N4BP2L2: variants seen among roughly 807,000 people sequenced by gnomAD.
The protein encoded by N4BP2L2 is NEDD4 binding protein 2 like 2, also known as NEDD4-binding protein 2-like 2.
A neutral mutation model predicts 56.2 loss-of-function variants in N4BP2L2; 50 were observed. The ratio of observed to expected loss-of-function variants is 0.89; its 90% confidence interval spans 0.71 to 1.13. The LOEUF (loss-of-function observed/expected upper bound fraction) is 1.13. N4BP2L2 is among the 50% of genes most tolerant of loss of function. The probability of loss-of-function intolerance (pLI) is 0.00; values close to 1 mark genes in which losing one functional copy is unlikely to be tolerated. For synonymous variants in N4BP2L2, 203 were observed against 223.6 expected, an observed-to-expected ratio of 0.91 and a Z score of 0.82; for missense variants, 689 against 693.8, an observed-to-expected ratio of 0.99 and a Z score of 0.08.
intron 6 of N4BP2L2, among the ~76,000 whole-genome samples, chr13:32,479,560 T>C (rs1244314680): frequency 1.3e-5 from 2 of 151,478 alleles, no homozygotes; most frequent in African/African-American, 2.4e-5. Flanking sequence ...GGATTATAGG[T>C]GTGAGCCACT....
At chr13:32,527,279 G>A (rs2053294290) in intron 3 of N4BP2L2, 129 bp downstream of exon 3, 1 of 901,006 alleles carries the variant, frequency 1.1e-6, no homozygotes, top group Non-Finnish European at 1.6e-6. Flanking sequence ...GGAGAAATTA[G>A]GTCTCAAAGC....
chr13:32,527,355 C>T (rs2053325190), intron 3 of N4BP2L2, 53 bp downstream of exon 3: 1 of 1,586,596 alleles, frequency 6.3e-7, no homozygotes, highest in Non-Finnish European at 8.6e-7. Flanking sequence ...AAATCTAGGT[C>T]TTTTGACTCC....
chr13:32,507,477 C>T (rs1197211668), downstream of N4BP2L2: 1 of 152,086 alleles, frequency 6.6e-6, no homozygotes, highest in African/African-American at 2.4e-5. Flanking sequence ...ATAAACATGT[C>T]CTCATTTATC....
intron 2 of N4BP2L2, among the ~76,000 whole-genome samples, chr13:32,534,741 T>C (rs2056068489): frequency 6.6e-6 from 1 of 152,342 alleles, no homozygotes; most frequent in South Asian, 2.1e-4. Flanking sequence ...GTTAGTAATA[T>C]AAAACATTTG....
chr13:32,511,796 C>G (rs1045498546), exon 6 of N4BP2L2: 3 of 151,358 alleles, frequency 2.0e-5, no homozygotes, highest in Non-Finnish European at 2.9e-5. Context: ...AAAGAAAACA[C>G]GTACACAAGA....
chr13:32,538,444 C>T (rs563043411), intron 1 of N4BP2L2, among the ~76,000 whole-genome samples, 174 bp downstream of exon 1: 1 of 152,248 alleles, frequency 6.6e-6, no homozygotes, highest in South Asian at 2.1e-4. Context: ...GCTTTTTTGT[C>T]CCAGTGCAGA....
intron 6 of N4BP2L2, among the ~76,000 whole-genome samples, chr13:32,469,703 T>C (rs1198716489): frequency 6.6e-6 from 1 of 152,180 alleles, no homozygotes; most frequent in Non-Finnish European, 1.5e-5. Context: ...GCCTCCAAGA[T>C]GGAGAAGCTG....
At chr13:32,438,677 T>C (rs762826816) in exon 8 of N4BP2L2, 97 of 1,608,748 alleles carry the variant, frequency 6.0e-5, no homozygotes, top group Non-Finnish European at 7.7e-5. Context: ...CCATTGCAAG[T>C]AGATCATCTT....
At chr13:32,491,000 C>CA (rs5802645) in intron 6 of N4BP2L2, among the ~76,000 whole-genome samples, 68,198 of 145,528 alleles carry the variant, frequency 0.47, 15,988 homozygotes, top group East Asian at 0.65. Context: ...CAGATTAAAG[C>CA]AAAAAAAAAA....
chr13:32,496,191 G>C (rs1187488783), intron 6 of N4BP2L2, among the ~76,000 whole-genome samples: 1 of 148,554 alleles, frequency 6.7e-6, no homozygotes, highest in South Asian at 2.1e-4. Flanking sequence ...ATGCAACCAA[G>C]CTACCTATTT....
chr13:32,457,573 T>C (rs75889235), intron 6 of N4BP2L2, among the ~76,000 whole-genome samples: 1 of 152,316 alleles, frequency 6.6e-6, no homozygotes, highest in African/African-American at 2.4e-5. Context: ...ATGGATGATA[T>C]ATTCAAAGTG....
chr13:32,496,896 A>C (rs2088812517), intron 6 of N4BP2L2, among the ~76,000 whole-genome samples: 1 of 152,182 alleles, frequency 6.6e-6, no homozygotes, highest in African/African-American at 2.4e-5. Flanking sequence ...GAACTCCTGA[A>C]TCTTTCAGCT....
intron 9 of N4BP2L2, among the ~76,000 whole-genome samples, chr13:32,434,243 ATTTTCTTT>A (rs2075192207): frequency 9.1e-6 from 1 of 110,136 alleles, no homozygotes; most frequent in Non-Finnish European, 1.8e-5. Context: ...CATTCAGCTA[ATTTTCTTT>A]TTTTCTTTTT....
chr13:32,444,989 C>T (rs2076823042), intron 6 of N4BP2L2, among the ~76,000 whole-genome samples: 1 of 152,196 alleles, frequency 6.6e-6, no homozygotes, highest in Non-Finnish European at 1.5e-5. Flanking sequence ...TGGCTCACGC[C>T]TGTAATCCCA....
intron 6 of N4BP2L2, among the ~76,000 whole-genome samples, chr13:32,459,878 C>T (rs529770721): frequency 3.9e-5 from 6 of 152,172 alleles, no homozygotes; most frequent in Admixed American, 3.9e-4. Context: ...GGTCAGTATC[C>T]CTGATGGACA....
intron 6 of N4BP2L2, among the ~76,000 whole-genome samples, chr13:32,459,543 C>T (rs906214517): frequency 5.9e-5 from 9 of 152,010 alleles, no homozygotes; most frequent in African/African-American, 2.2e-4. Flanking sequence ...TGGATAAATT[C>T]TGGGACATAT....
chr13:32,455,030 G>C (rs1158299154), intron 6 of N4BP2L2, among the ~76,000 whole-genome samples: 1 of 152,178 alleles, frequency 6.6e-6, no homozygotes, highest in Non-Finnish European at 1.5e-5. Flanking sequence ...GAGCTGCCTG[G>C]AGATGACCTG....
chr13:32,517,972 T>C (rs751579434), exon 6 of N4BP2L2: 1 of 1,613,784 alleles, frequency 6.2e-7, no homozygotes, highest in Non-Finnish European at 8.5e-7. Flanking sequence ...ATCTGAGCAA[T>C]CTTCTTTCGA....
exon 2 of N4BP2L2, chr13:32,536,321 T>C (rs2056547729): frequency 6.2e-7 from 1 of 1,613,876 alleles, no homozygotes; most frequent in Non-Finnish European, 8.5e-7. Flanking sequence ...CAAGTTCTGC[T>C]GATAATCACA....
Sources: allele counts gnomAD v4.1 joint callset (sites outside exome capture counted in the v4.1 genomes callset), GRCh38; gene constraint gnomAD v4.1.1; transcripts MANE v1.5; gene names NCBI Gene and HGNC (gene_info 2026-07-23, HGNC 2026-07-21).